URGCP: variants seen among roughly 807,000 people sequenced by gnomAD.
The protein encoded by URGCP is upregulator of cell proliferation.
Under a neutral mutation model 24.6 loss-of-function variants are expected in URGCP, and 13 were observed. The ratio of observed to expected loss-of-function variants is 0.53; its 90% CI spans 0.34 to 0.84. URGCP has a LOEUF of 0.84. Among genes scored for constraint, URGCP ranks in the 40% least tolerant of loss-of-function variants. The pLI, the probability that URGCP is intolerant of heterozygous loss-of-function variation, is 0.01. For synonymous variants in URGCP, 444 were observed against 487.2 expected (o/e 0.91, Z 1.17); for missense variants, 899 against 1,194.3 (o/e 0.75, Z 3.64).
intron 3 of URGCP, among the ~76,000 whole-genome samples, chr7:43,883,921 C>G (rs2095858434): frequency 6.6e-6 from 1 of 152,262 alleles, no homozygotes. Flanking sequence ...TTACATTATT[C>G]AAGTGAGGAA....
upstream of URGCP, among the ~76,000 whole-genome samples, chr7:43,926,710 A>C (rs1328086936): frequency 1.3e-5 from 2 of 152,106 alleles, no homozygotes; most frequent in African/African-American, 4.8e-5. Context: ...GCGCAGCCTG[A>C]AAAGCGAACG....
chr7:43,883,282 A>C (rs2095856650), intron 3 of URGCP, among the ~76,000 whole-genome samples: 1 of 148,556 alleles, frequency 6.7e-6, no homozygotes, highest in South Asian at 2.1e-4. Flanking sequence ...CTTTGATCCA[A>C]GAAAAAGTAA....
Position 43,877,317 on chromosome 7 carries a change from G to T in URGCP, c.2146C>A (p.Arg716=), listed in dbSNP as rs749320527. ...STLLNTMFGL[R]FATGKSCGPR... ...CCGCAGCTCTTCCCTGTGGCAAACC[G>T]CAGCCCAAACATGGTGTTGAGGAGT... is the stretch of plus-strand genomic sequence containing the variant. Residue 716 remains arginine, a synonymous_variant, in exon 6 of 6, where the codon CGG becomes AGG. Coordinates refer to ENST00000453200, the MANE Select transcript of URGCP (RefSeq NM_001077663.3). The T allele has an allele frequency of 1.2e-5, 19 of 1,612,804 alleles. No individual in the cohort carries two copies. Among genetic ancestry groups the T allele is most frequent in the Non-Finnish European group, 1.5e-5 (18 of 1,180,036 alleles).
chr7:43,878,577 G>A lies in URGCP; in HGVS notation c.886C>T (p.Arg296Trp), dbSNP rs767992282. The A allele has an allele frequency of 3.1e-6, 5 of 1,614,170 alleles. No individual in the cohort carries two copies. Among genetic ancestry groups the A allele is most frequent in the Non-Finnish European group, 4.2e-6 (5 of 1,180,052 alleles). The change falls in exon 6 of 6, where the codon CGG (arginine) becomes TGG (tryptophan). Residue 296 changes from arginine (R) to tryptophan (W), a missense_variant. Coordinates refer to ENST00000453200, the MANE Select transcript of URGCP (RefSeq NM_001077663.3). This position sits in a 1 kb window ranked among gnomAD's most constrained non-coding sequence, Gnocchi z 5.6. ...GHRQWDCFWHRDLNLGTNARE... is the reference protein window; with the variant it reads ...GHRQWDCFWHWDLNLGTNARE... ...GCATTGGTGCCCAAGTTGAGGTCCC[G>A]ATGCCAGAAGCAGTCCCACTGCCTG... is the stretch of plus-strand genomic sequence containing the variant.
At chr7:43,890,852 C>T (rs549379615) in intron 1 of URGCP, among the ~76,000 whole-genome samples, 1 of 152,366 alleles carries the variant, frequency 6.6e-6, no homozygotes, top group South Asian at 2.1e-4. Flanking sequence ...TGTGGCTGAA[C>T]CCTACTTCCG....
In URGCP at chr7:43,877,558, C is replaced by T. The variant is rs752855630; in HGVS notation, c.1905G>A (p.Arg635=). The part of the protein sequence containing the change: ...EAESCLVEAG[R]LPAGQRRFAH... The stretch of plus-strand genomic sequence containing the variant: ...CAAAACGCCTCTGGCCTGCCGGCAG[C>T]CTCCCTGCCTCCACAAGACAGCTCT... Residue 635 remains arginine, a synonymous_variant, in exon 6 of 6, where the codon AGG becomes AGA. Coordinates refer to ENST00000453200, the MANE Select transcript of URGCP (RefSeq NM_001077663.3). 1 of 1,613,970 alleles carries T rather than the reference C, an allele frequency of 6.2e-7. No individual in the cohort carries two copies. Among genetic ancestry groups the T allele is most frequent in the Admixed American group, 1.7e-5 (1 of 60,030 alleles).
intron 1 of URGCP, chr7:43,920,020 A>G (rs1042193919): frequency 9.1e-6 from 12 of 1,323,304 alleles, no homozygotes; most frequent in Non-Finnish European, 1.3e-5. Flanking sequence ...ACATGGCCAC[A>G]TGGCCAGACT....
chr7:43,925,946 T>C (rs1291656510), intron 1 of URGCP, among the ~76,000 whole-genome samples: 1 of 152,046 alleles, frequency 6.6e-6, no homozygotes, highest in African/African-American at 2.4e-5. Context: ...ATAATTAAGT[T>C]TGGGAGATGC....
At chr7:43,899,077 T>C (rs1369303948) in intron 1 of URGCP, among the ~76,000 whole-genome samples, 1 of 149,450 alleles carries the variant, frequency 6.7e-6, no homozygotes, top group East Asian at 1.9e-4. Flanking sequence ...GAGGTTGCAG[T>C]GAGCCAAGAC....
intron 1 of URGCP, among the ~76,000 whole-genome samples, chr7:43,890,055 C>T (rs912647361): frequency 2.0e-5 from 3 of 151,870 alleles, no homozygotes; most frequent in Non-Finnish European, 2.9e-5. Flanking sequence ...CAGGCATGCG[C>T]CACCACGCCT....
chr7:43,902,636 C>T (rs924494999), intron 1 of URGCP, among the ~76,000 whole-genome samples: 5 of 152,164 alleles, frequency 3.3e-5, no homozygotes, highest in African/African-American at 1.2e-4. Flanking sequence ...CTTTAAAGAC[C>T]GGGTAAGCGA....
upstream of URGCP, chr7:43,906,882 G>T (rs933443986): frequency 1.4e-5 from 3 of 217,234 alleles, no homozygotes; most frequent in Non-Finnish European, 2.7e-5. Context: ...AGGATAACCT[G>T]CCCCAGGGCC....
intron 1 of URGCP, among the ~76,000 whole-genome samples, chr7:43,918,459 T>C (rs1478108639): frequency 6.6e-6 from 1 of 151,854 alleles, no homozygotes; most frequent in African/African-American, 2.4e-5. Flanking sequence ...TTTTGTATTT[T>C]TAGTAGAGAT....
intron 3 of URGCP, among the ~76,000 whole-genome samples, chr7:43,883,304 CA>C (rs2095856687): frequency 7.4e-6 from 1 of 135,176 alleles, no homozygotes; most frequent in Non-Finnish European, 1.6e-5. Context: ...ACCTAGGTTC[CA>C]AAATTTATAT....
chr7:43,879,264 T>G lies in URGCP; in HGVS notation c.203-4A>C, dbSNP rs1396396046. 1 of 1,600,386 alleles carries G rather than the reference T, an allele frequency of 6.2e-7. No individual in the cohort carries two copies. Among genetic ancestry groups the G allele is most frequent in the South Asian group, 1.1e-5 (1 of 89,758 alleles). On this transcript the variant is annotated splice_region_variant and splice_polypyrimidine_tract_variant and intron_variant, in intron 5 of 5. Transcript: ENST00000453200. The stretch of plus-strand genomic sequence containing the variant: ...TCTTGAAGCCTGCTTCTCTCCACTG[T>G]GGAAAGAAATGAAGACATAAGTGCT...
rs185212321 is a variant in URGCP, at chr7:43,916,880, G to A, written c.-116+9252C>T. ...CTAGGAAGAGAAGGGAACCAGGGAC[G>A]CCTTGCTCCCCTCTTTCTAGATGAG... On this transcript the variant is annotated intron_variant, in intron 1 of 5. Coordinates refer to the URGCP transcript ENST00000426198. 4.8e-3 allele frequency among the ~76,000 whole-genome samples: 729 copies of A among 152,176 alleles called. 5 individuals are homozygous for A. The highest frequency in any genetic ancestry group is 0.01 in the Middle Eastern group (3 of 294).
intron 3 of URGCP, among the ~76,000 whole-genome samples, chr7:43,884,360 C>T (rs2095859014): frequency 6.6e-6 from 1 of 152,162 alleles, no homozygotes; most frequent in Admixed American, 6.5e-5. Context: ...CCAACGTCTC[C>T]ACTATACTTC....
At chr7:43,908,079 G>A (rs933852701), upstream of URGCP, among the ~76,000 whole-genome samples, 1 of 152,098 alleles carries the variant, frequency 6.6e-6, no homozygotes, top group African/African-American at 2.4e-5. Flanking sequence ...CAAACTAAAA[G>A]AATTTTTTCT....
chr7:43,914,834 C>T (rs932276903), intron 1 of URGCP, among the ~76,000 whole-genome samples: 34 of 152,150 alleles, frequency 2.2e-4, no homozygotes, highest in African/African-American at 8.0e-4. Flanking sequence ...TTTACTGATA[C>T]TACTGATAGA....
Sources: gnomAD v4.1 joint callset for allele counts (sites outside exome capture counted in the v4.1 genomes callset) on GRCh38, gnomAD v4.1.1 for gene constraint, Gnocchi (gnomAD v3.1) non-coding constraint, MANE v1.5 for transcripts, NCBI Gene and HGNC (gene_info 2026-07-23, HGNC 2026-07-21) for gene names.